Variants in FMO2 observed in about 807,000 individuals in gnomAD.
FMO2 encodes the protein flavin-containing monooxygenase 2.
Under a neutral mutation model 41.6 loss-of-function variants are expected in FMO2, and 33 were observed. That is an observed-to-expected ratio of 0.79 (90% CI 0.60 to 1.06). The LOEUF is 1.06. FMO2 is among the 50% of genes least tolerant of loss of function. The pLI, the probability that FMO2 is intolerant of heterozygous loss-of-function variation, is 0.00. For synonymous variants in FMO2, 214 were observed against 219.6 expected, an observed-to-expected ratio of 0.97 and a Z score of 0.23; for missense variants, 619 against 632.9, an observed-to-expected ratio of 0.98 and a Z score of 0.23.
chr1:171,204,124 G>GTC, intron 6 of FMO2, 60 bp downstream of exon 6: 1 of 1,243,304 alleles, frequency 8.0e-7, no homozygotes, highest in South Asian at 1.2e-5. Flanking sequence ...GTCTGAAGGT[G>GTC]TCTCCCTTAA....
chr1:171,190,207 C>G (rs186650067), intron 2 of FMO2, among the ~76,000 whole-genome samples: 140 of 152,122 alleles, frequency 9.2e-4, no homozygotes, highest in African/African-American at 3.3e-3. Flanking sequence ...TGTTTACAAC[C>G]TTTTTATTGT....
At position 171,205,296 on chromosome 1, in the gene FMO2, C is replaced by A; in HGVS notation, c.845C>A (p.Pro282His). ...EPQNKYIMKE[P>H]VLNDDVPSRL... ...TGTCTCAGATACATTATGAAGGAAC[C>A]TGTACTAAATGATGATGTCCCAAGT... is the stretch of plus-strand genomic sequence containing the variant. Residue 282 changes from proline (P) to histidine (H), a missense_variant, in exon 7 of 9, where the codon CCT (proline) becomes CAT (histidine). Physicochemically the swap from Pro to His is moderately conservative, Grantham distance 77. Coordinates refer to ENST00000209929, the MANE Select transcript of FMO2 (RefSeq NM_001460.5). 6.2e-7 allele frequency: 1 copy of A among 1,608,132 alleles called. No homozygotes were observed. The highest frequency in any genetic ancestry group is 1.1e-5 in the South Asian group (1 of 90,686).
intron 5 of FMO2, among the ~76,000 whole-genome samples, 183 bp from the exon 6 acceptor site, chr1:171,203,682 T>C (rs1658630243): frequency 6.6e-6 from 1 of 152,188 alleles, no homozygotes; most frequent in East Asian, 1.9e-4. Context: ...GCAGTCTTCC[T>C]GCATCAGTGT....
chr1:171,199,119 T>A (rs1371983984), intron 4 of FMO2: 1 of 364,690 alleles, frequency 2.7e-6, no homozygotes, highest in African/African-American at 2.1e-5. Flanking sequence ...CTCAGGCTGG[T>A]CTCAAACTCC....
intron 4 of FMO2, among the ~76,000 whole-genome samples, chr1:171,197,083 G>T (rs982522223): frequency 7.9e-5 from 12 of 152,192 alleles, no homozygotes; most frequent in Non-Finnish European, 1.8e-4. Flanking sequence ...CTGGTTCTCT[G>T]TTGGAGAGGC....
In FMO2 at chr1:171,204,019, A is replaced by C; in HGVS notation, c.782A>C (p.Asn261Thr). 6.2e-7 allele frequency: 1 copy of C among 1,613,716 alleles called. No individual in the cohort carries two copies. The highest frequency in any genetic ancestry group is 8.5e-7 in the Non-Finnish European group (1 of 1,179,734). The change falls in exon 6 of 9, where the codon AAT becomes ACT. Residue 261 changes from asparagine (N) to threonine (T), a missense_variant. Physicochemically the swap from Asn to Thr is moderately conservative, Grantham distance 65. Coordinates refer to ENST00000209929, the MANE Select transcript of FMO2 (RefSeq NM_001460.5). ...AVKWMIEQQM[N>T]RWFNHENYGL... ...AAATGGATGATAGAACAACAGATGAATCGGTGGTTCAACCATGAAAATTAT... is the reference window on the plus strand; with the variant it reads ...AAATGGATGATAGAACAACAGATGACTCGGTGGTTCAACCATGAAAATTAT...
chr1:171,207,713 C>T lies in FMO2; in HGVS notation c.1184-5C>T. 6.3e-7 allele frequency: 1 copy of T among 1,595,332 alleles called. No homozygotes were observed. The highest frequency in any genetic ancestry group is 1.1e-5 in the South Asian group (1 of 89,454). ...TACTATTCAAACCAACCTTTTATTC[C>T]TTAGGCTTGTGTAGCCTGCCCTCAG... On this transcript the variant is annotated splice_region_variant and splice_polypyrimidine_tract_variant and intron_variant, in intron 7 of 8. Transcript: ENST00000209929.
In FMO2 at chr1:171,211,690, T is replaced by C. The variant is rs556914386; in HGVS notation, c.*2545T>C. ...TCAAAGGTTAAAGAAGGCTCATCAG[T>C]CTATCCTTCTGCCTCCATATATCCT... On this transcript the variant is annotated 3_prime_UTR_variant, in exon 9 of 9. Coordinates refer to ENST00000209929, the MANE Select transcript of FMO2 (RefSeq NM_001460.5). Among the ~76,000 whole-genome samples the C allele has an allele frequency of 1.3e-5, 2 of 152,330 alleles. No individual in the cohort carries two copies. Among genetic ancestry groups the C allele is most frequent in the Non-Finnish European group, 2.9e-5 (2 of 68,028 alleles).
intron 3 of FMO2, 60 bp from the exon 4 acceptor site, chr1:171,196,589 C>T: frequency 1.3e-6 from 2 of 1,513,630 alleles, no homozygotes; most frequent in Non-Finnish European, 1.8e-6. Context: ...GAGAAAGACA[C>T]ACTTGGCCAA....
intron 4 of FMO2, among the ~76,000 whole-genome samples, chr1:171,198,998 G>T (rs979292959): frequency 5.9e-5 from 9 of 152,070 alleles, no homozygotes; most frequent in Non-Finnish European, 1.2e-4. Context: ...TACTTCCCAA[G>T]CTCAAGCAAT....
Position 171,196,684 on chromosome 1 carries a change from C to T in FMO2, c.357C>T (p.Phe119=). ...TVLSVRKCPD[F]SSSGQWKVVT... ...TTAGTGTGAGAAAATGTCCAGATTT[C>T]TCATCCTCTGGCCAATGGAAGGTTG... The change falls in exon 4 of 9, where the codon TTC becomes TTT. Residue 119 remains phenylalanine (F), a synonymous_variant. Transcript: ENST00000209929. 6.2e-7 allele frequency: 1 copy of T among 1,613,380 alleles called. No homozygotes were observed. Among genetic ancestry groups the T allele is most frequent in the Non-Finnish European group, 8.5e-7 (1 of 1,179,832 alleles).
At position 171,203,950 on chromosome 1, in the gene FMO2, G is replaced by T; in HGVS notation, c.713G>T (p.Arg238Leu). 1 of 1,613,680 alleles carries T rather than the reference G, an allele frequency of 6.2e-7. No homozygotes were observed. Among genetic ancestry groups the T allele is most frequent in the Non-Finnish European group, 8.5e-7 (1 of 1,179,766 alleles). The change falls in exon 6 of 9, where the codon CGG (arginine) becomes CTG (leucine). Residue 238 changes from arginine to leucine, a missense_variant. By Grantham distance (102) the Arg-to-Leu change is moderately radical (BLOSUM62 -2). Transcript: ENST00000209929. ...CCTTGGGACTCAGTGTTCCACACCC[G>T]GTTTCGTTCTATGCTCCGCAATGTA... ...GYPWDSVFHT[R>L]FRSMLRNVLP...
rs1224003680 is a variant in FMO2 at position 171,211,650 on chromosome 1, A to G, written c.*2505A>G. ...AAATAGTTTATTTATAGAGAACCCTACCTCTGAGGTTGACTCAAAGGTTAA... is the reference window on the plus strand; with the variant it reads ...AAATAGTTTATTTATAGAGAACCCTGCCTCTGAGGTTGACTCAAAGGTTAA... On this transcript the variant is annotated 3_prime_UTR_variant, in exon 9 of 9. Coordinates refer to ENST00000209929, the MANE Select transcript of FMO2 (RefSeq NM_001460.5). Among the ~76,000 whole-genome samples the G allele has an allele frequency of 6.6e-6, 1 of 152,096 alleles. No homozygotes were observed. Among genetic ancestry groups the G allele is most frequent in the East Asian group, 1.9e-4 (1 of 5,190 alleles).
rs184972993 is a variant in FMO2, at chr1:171,209,617, G to C, written c.*472G>C. On this transcript the variant is annotated 3_prime_UTR_variant, in exon 9 of 9. Transcript: ENST00000209929. ...TGTTAGGTCATGTTTCATTTGCTCAGTCGGGGATCACTCAAAACTACTAGA... is the reference window on the plus strand; with the variant it reads ...TGTTAGGTCATGTTTCATTTGCTCACTCGGGGATCACTCAAAACTACTAGA... 1.1e-4 allele frequency: 17 copies of C among 152,326 alleles called. No individual in the cohort carries two copies. The highest frequency in any genetic ancestry group is 3.9e-4 in the African/African-American group (16 of 41,450). 9.4% of individuals were successfully genotyped at this position (152,326 alleles called of 1,614,324 possible). A position where few individuals can be genotyped will look rare whatever the true frequency, so the allele number is the denominator to read the frequency against.
In FMO2 at chr1:171,207,810, C is replaced by A; in HGVS notation, c.1256+20C>A. Reference sequence around the variant, plus strand: ...TGACCTGTAAGAATTTTTTTTAATTCTTTACATGAAGCAGTGTTTCTCAAA... The same window carrying A: ...TGACCTGTAAGAATTTTTTTTAATTATTTACATGAAGCAGTGTTTCTCAAA... On this transcript the variant is annotated intron_variant, in intron 8 of 8. Transcript: ENST00000209929. 6.9e-7 allele frequency: 1 copy of A among 1,447,112 alleles called. No individual in the cohort carries two copies. Among genetic ancestry groups the A allele is most frequent in the Non-Finnish European group, 9.7e-7 (1 of 1,030,380 alleles). 89.6% of individuals were successfully genotyped at this position (1,447,112 alleles called of 1,614,324 possible).
intron 2 of FMO2, chr1:171,188,988 T>G (rs948720371): frequency 2.0e-5 from 3 of 152,198 alleles, no homozygotes; most frequent in Non-Finnish European, 2.9e-5. Flanking sequence ...ATGATTATCT[T>G]TATTTACATA....
At chr1:171,187,146 C>G (rs1175324369) in intron 2 of FMO2, among the ~76,000 whole-genome samples, 2 of 152,216 alleles carry the variant, frequency 1.3e-5, no homozygotes, top group Non-Finnish European at 2.9e-5. Context: ...CAGATAAGCC[C>G]TGACTTACAA....
Position 171,203,976 on chromosome 1 carries a change from C to G in FMO2, c.739C>G (p.Leu247Val), listed in dbSNP as rs755630128. Residue 247 changes from leucine to valine, a missense_variant, in exon 6 of 9, where the codon CTG (leucine) becomes GTG (valine). By Grantham distance (32) the Leu-to-Val change is conservative. Coordinates refer to ENST00000209929, the MANE Select transcript of FMO2 (RefSeq NM_001460.5). Reference sequence around the variant, plus strand: ...GTTTCGTTCTATGCTCCGCAATGTACTGCCACGAACAGCTGTAAAATGGAT... The same window carrying G: ...GTTTCGTTCTATGCTCCGCAATGTAGTGCCACGAACAGCTGTAAAATGGAT... The part of the protein sequence containing the change: ...TRFRSMLRNV[L>V]PRTAVKWMIE... 5 of 1,613,724 alleles carry G rather than the reference C, an allele frequency of 3.1e-6. No individual in the cohort carries two copies. The South Asian group carries it at 5.5e-5, about 18-fold the overall frequency.
chr1:171,199,135 T>C (rs1658422377), intron 4 of FMO2: 3 of 393,846 alleles, frequency 7.6e-6, no homozygotes, highest in Non-Finnish European at 9.0e-6. Flanking sequence ...ACTCCTGGGC[T>C]CAATCAACCT....
Sources: allele counts gnomAD v4.1 joint callset (sites outside exome capture counted in the v4.1 genomes callset), GRCh38; gene constraint gnomAD v4.1.1; transcripts MANE v1.5; gene names NCBI Gene and HGNC (gene_info 2026-07-23, HGNC 2026-07-21).